The following AKAP6 variants were observed in gnomAD, a reference collection of about 807,000 sequenced individuals.
The protein encoded by AKAP6 is A-kinase anchoring protein 6.
In AKAP6, 58 loss-of-function variants were observed where a neutral mutation model predicts 188.5. The ratio of observed to expected loss-of-function variants is 0.31; its 90% CI spans 0.25 to 0.38. The LOEUF (loss-of-function observed/expected upper bound fraction) is 0.38. Among genes scored for constraint, AKAP6 ranks in the 10% least tolerant of loss-of-function variants. AKAP6 has a pLI of 1.00. For missense variants in AKAP6, 2,710 were observed against 2,740.0 expected, an observed-to-expected ratio of 0.99 and a Z score of 0.24; for synonymous variants, 989 against 998.6, an observed-to-expected ratio of 0.99 and a Z score of 0.18.
rs549189467 is a variant in AKAP6, at chr14:32,641,956, A to G, written c.2731-36355A>G. Reference sequence around the variant, plus strand: ...TTGGAAATGGCAACTCGGCAAATACATGAAGATATCTTAAAGGAAAAAGAC... The same window carrying G: ...TTGGAAATGGCAACTCGGCAAATACGTGAAGATATCTTAAAGGAAAAAGAC... On this transcript the variant is annotated intron_variant, in intron 7 of 13. Coordinates refer to ENST00000280979, the MANE Select transcript of AKAP6 (RefSeq NM_004274.5). Among the ~76,000 whole-genome samples the G allele has an allele frequency of 2.0e-5, 3 of 152,264 alleles. No individual in the cohort carries two copies. The East Asian group carries it at 5.8e-4, about 29-fold the overall frequency.
intron 7 of AKAP6, among the ~76,000 whole-genome samples, chr14:32,643,522 G>T (rs993484981): frequency 6.6e-6 from 1 of 151,992 alleles, no homozygotes; most frequent in Non-Finnish European, 1.5e-5. Flanking sequence ...TGGTCAGGCT[G>T]GTCTTGAACT....
chr14:32,560,386 G>A (rs1883899831), intron 4 of AKAP6, among the ~76,000 whole-genome samples: 1 of 152,068 alleles, frequency 6.6e-6, no homozygotes, highest in Non-Finnish European at 1.5e-5. Context: ...GAATGTTTCA[G>A]TCCTGCCTCA....
chr14:32,429,504 A>G (rs1594604712), intron 1 of AKAP6, among the ~76,000 whole-genome samples: 2 of 152,226 alleles, frequency 1.3e-5, no homozygotes, highest in Admixed American at 6.5e-5. Flanking sequence ...GAGTATGACC[A>G]TCCATATATG....
intron 7 of AKAP6, among the ~76,000 whole-genome samples, chr14:32,670,429 T>G (rs1889132613): frequency 6.6e-6 from 1 of 152,094 alleles, no homozygotes; most frequent in Admixed American, 6.6e-5. Flanking sequence ...GACTAGTTGC[T>G]AAAGGGGATA....
In AKAP6 at chr14:32,431,765, C is replaced by T. The variant is rs560127947; in HGVS notation, c.-34-1695C>T. On this transcript the variant is annotated intron_variant, in intron 1 of 13. Transcript: ENST00000280979. ...CTGACCTCAGGTGATCTGCCTGCCT[C>T]GGCCTCCCAAAGTGTTGGGATTACA... Among the ~76,000 whole-genome samples, 16 of 152,326 alleles carry T rather than the reference C, an allele frequency of 1.1e-4. No homozygotes were observed. The East Asian group carries it at 3.1e-3, about 29-fold the overall frequency.
chr14:32,621,729 C>T (rs999860310), intron 7 of AKAP6, among the ~76,000 whole-genome samples: 2 of 152,024 alleles, frequency 1.3e-5, no homozygotes, highest in Admixed American at 6.6e-5. Context: ...TTTCTGTTGA[C>T]TTTCTCCCTT....
intron 2 of AKAP6, among the ~76,000 whole-genome samples, chr14:32,454,569 A>T (rs1459807772): frequency 6.6e-6 from 1 of 152,166 alleles, no homozygotes. Flanking sequence ...TGAGGCAAGG[A>T]CTAATGCTGG....
At chr14:32,455,410 T>G (rs561935923) in intron 2 of AKAP6, among the ~76,000 whole-genome samples, 1 of 152,370 alleles carries the variant, frequency 6.6e-6, no homozygotes, top group South Asian at 2.1e-4. Context: ...ATGAGTAAGA[T>G]TATTTTCCCC....
rs2034633234 is a variant in AKAP6 at position 32,824,771 on chromosome 14, T to C, written c.6958T>C (p.Ter2320GlnextTer8). Reference protein sequence around the residue: ...HEKRHRNMHR* With the variant: ...HEKRHRNMHRQ ...AAAACGACATAGAAATATGCATAGG[T>C]AGAATGTACCCCCTCCCCAAGCATG... Residue 2320 changes from the stop codon to glutamine, a stop_lost, in exon 13 of 14, where the codon TAG becomes CAG. Coordinates refer to ENST00000280979, the MANE Select transcript of AKAP6 (RefSeq NM_004274.5). The C allele has an allele frequency of 2.5e-6, 4 of 1,609,552 alleles. No homozygotes were observed. The highest frequency in any genetic ancestry group is 3.4e-6 in the Non-Finnish European group (4 of 1,177,994).
intron 2 of AKAP6, among the ~76,000 whole-genome samples, chr14:32,511,048 C>T (rs753752872): frequency 2.0e-5 from 3 of 152,148 alleles, no homozygotes; most frequent in Non-Finnish European, 2.9e-5. Flanking sequence ...GTGAGCAGTC[C>T]TGGAGCACAA....
chr14:32,484,572 C>T, intron 2 of AKAP6: 1 of 210,348 alleles, frequency 4.8e-6, no homozygotes, highest in Non-Finnish European at 6.9e-6. Flanking sequence ...TTGCCAAAGC[C>T]TCCGATTATG....
At chr14:32,567,531 A>G (rs947769814) in intron 4 of AKAP6, among the ~76,000 whole-genome samples, 4 of 152,162 alleles carry the variant, frequency 2.6e-5, no homozygotes, top group Non-Finnish European at 5.9e-5. Flanking sequence ...ATGGAATTCC[A>G]ATTTTTTTTC....
chr14:32,818,795 G>A (rs551680303), intron 12 of AKAP6, among the ~76,000 whole-genome samples: 142 of 152,196 alleles, frequency 9.3e-4, no homozygotes, highest in African/African-American at 3.3e-3. Context: ...CACAATTCCC[G>A]CTTCTCCATG....
intron 1 of AKAP6, among the ~76,000 whole-genome samples, chr14:32,357,517 A>T (rs1887521260): frequency 6.6e-6 from 1 of 152,232 alleles, no homozygotes; most frequent in South Asian, 2.1e-4. Context: ...AAACTCTTAG[A>T]GAAATAGCCA....
chr14:32,638,044 G>A (rs1230639074), intron 7 of AKAP6, among the ~76,000 whole-genome samples: 2 of 152,044 alleles, frequency 1.3e-5, no homozygotes, highest in Admixed American at 6.6e-5. Context: ...TTTTAAATTA[G>A]GGTAAAGAAA....
chr14:32,717,969 T>C (rs1484133215), intron 9 of AKAP6, among the ~76,000 whole-genome samples: 1 of 152,130 alleles, frequency 6.6e-6, no homozygotes, highest in African/African-American at 2.4e-5. Context: ...TAAGTATGTG[T>C]TGGCCACTCC....
At chr14:32,678,833 C>A (rs1889551559) in intron 8 of AKAP6, among the ~76,000 whole-genome samples, 1 of 152,078 alleles carries the variant, frequency 6.6e-6, no homozygotes, top group African/African-American at 2.4e-5. Flanking sequence ...CTTTTAAACA[C>A]CAGAACCATT....
intron 7 of AKAP6, among the ~76,000 whole-genome samples, chr14:32,677,698 T>A (rs1484255543): frequency 6.6e-6 from 1 of 152,238 alleles, no homozygotes; most frequent in African/African-American, 2.4e-5. Flanking sequence ...CATGGTGAAC[T>A]TACTACCTCT....
chr14:32,571,940 A>G (rs922835093), intron 4 of AKAP6, among the ~76,000 whole-genome samples: 4 of 152,246 alleles, frequency 2.6e-5, no homozygotes, highest in African/African-American at 7.2e-5. Context: ...CTTTCTAAAA[A>G]TAAATGTGTT....
Sources: gnomAD v4.1 joint callset for allele counts (sites outside exome capture counted in the v4.1 genomes callset) on GRCh38, gnomAD v4.1.1 for gene constraint, MANE v1.5 for transcripts, NCBI Gene and HGNC (gene_info 2026-07-23, HGNC 2026-07-21) for gene names.